The following TNR variants were observed in gnomAD, a reference collection of about 807,000 sequenced individuals.
TNR encodes tenascin-R.
TNR carries 45 observed loss-of-function variants against 150.4 expected under a neutral mutation model. That is an observed-to-expected ratio of 0.30 (90% CI 0.24 to 0.38). The LOEUF is 0.38. Among genes scored for constraint, TNR ranks in the 10% least tolerant of loss-of-function variants. The probability of loss-of-function intolerance (pLI) is 1.00; values close to 1 mark genes in which losing one functional copy is unlikely to be tolerated. For synonymous variants in TNR, 687 were observed against 678.4 expected (o/e 1.01, Z -0.20); for missense variants, 1,544 against 1,759.1 (o/e 0.88, Z 2.19).
At chr1:175,714,780 G>A (rs150060522) in intron 1 of TNR, among the ~76,000 whole-genome samples, 144 of 152,270 alleles carry the variant, frequency 9.5e-4, no homozygotes, top group African/African-American at 3.0e-3. Context: ...AGCAGAGACC[G>A]CCAGGCACTG....
intron 4 of TNR, among the ~76,000 whole-genome samples, chr1:175,397,672 T>C (rs1653495889): frequency 6.6e-6 from 1 of 152,244 alleles, no homozygotes; most frequent in Non-Finnish European, 1.5e-5. Flanking sequence ...ATCTAGCTTG[T>C]GTTAAACTAA....
chr1:175,595,535 C>T (rs900354619), intron 1 of TNR, among the ~76,000 whole-genome samples: 2 of 152,138 alleles, frequency 1.3e-5, no homozygotes, highest in Non-Finnish European at 2.9e-5. Flanking sequence ...AGGGTAAAAT[C>T]GGTATACTTT....
intron 2 of TNR, among the ~76,000 whole-genome samples, chr1:175,523,150 C>T (rs1659710036): frequency 6.6e-6 from 1 of 152,218 alleles, no homozygotes; most frequent in Non-Finnish European, 1.5e-5. Flanking sequence ...CTTTCAACCA[C>T]TTCCCTTGAC....
At chr1:175,475,400 G>A (rs961155910) in intron 2 of TNR, among the ~76,000 whole-genome samples, 1 of 152,214 alleles carries the variant, frequency 6.6e-6, no homozygotes, top group African/African-American at 2.4e-5. Context: ...GAGATGACAT[G>A]TAAGTGTGGT....
At chr1:175,426,049 C>T (rs1654954456) in intron 2 of TNR, among the ~76,000 whole-genome samples, 1 of 152,128 alleles carries the variant, frequency 6.6e-6, no homozygotes, top group Admixed American at 6.5e-5. Flanking sequence ...TGGAACTGGA[C>T]CTTTGGCTGC....
At chr1:175,634,005 T>C (rs1427624931) in intron 1 of TNR, among the ~76,000 whole-genome samples, 1 of 79,674 alleles carries the variant, frequency 1.3e-5, no homozygotes, top group Non-Finnish European at 2.3e-5. Flanking sequence ...ATGATGATGA[T>C]GATGATGACG....
At chr1:175,403,117 C>T in intron 4 of TNR, 23 bp downstream of exon 4, 1 of 1,593,158 alleles carries the variant, frequency 6.3e-7, no homozygotes, top group Non-Finnish European at 8.6e-7. Flanking sequence ...TTGCCAAACA[C>T]CCCAGAGAGT....
rs1571276707 is a variant in TNR, at chr1:175,317,566, G to T, written c.*5791C>A. On this transcript the variant is annotated 3_prime_UTR_variant, in exon 23 of 23. Transcript: ENST00000367674. The stretch of plus-strand genomic sequence containing the variant: ...TGTTCACTTACTGACAGTGCATCTG[G>T]ACTGAAACCCTTTCTTGTGACCTAG... 2 of 152,342 alleles carry T rather than the reference G, an allele frequency of 1.3e-5. No homozygotes were observed. The highest frequency in any genetic ancestry group is 1.3e-4 in the Admixed American group (2 of 15,302). 9.4% of individuals were successfully genotyped at this position (152,342 alleles called of 1,614,324 possible).
intron 1 of TNR, among the ~76,000 whole-genome samples, chr1:175,607,536 T>C (rs1044087303): frequency 6.6e-6 from 1 of 152,242 alleles, no homozygotes; most frequent in African/African-American, 2.4e-5. Flanking sequence ...TTGTACTGGC[T>C]TGTAGCTACA....
intron 10 of TNR, 120 bp downstream of exon 10, chr1:175,367,088 C>T (rs1174276132): frequency 1.2e-6 from 1 of 807,416 alleles, no homozygotes; most frequent in African/African-American, 1.7e-5. Flanking sequence ...ACAGTTGTCA[C>T]CAGAGCCCTG....
chr1:175,436,616 G>A (rs1442084791), intron 2 of TNR, among the ~76,000 whole-genome samples: 2 of 152,146 alleles, frequency 1.3e-5, no homozygotes, highest in African/African-American at 4.8e-5. Context: ...ACCCATCAGT[G>A]TGCTGTATTC....
At chr1:175,573,419 G>A (rs1330149700) in intron 1 of TNR, among the ~76,000 whole-genome samples, 1 of 152,138 alleles carries the variant, frequency 6.6e-6, no homozygotes, top group Non-Finnish European at 1.5e-5. Context: ...AAAGATCCTG[G>A]CTGCTGTTTT....
At chr1:175,719,025 C>T (rs1052924598) in intron 1 of TNR, among the ~76,000 whole-genome samples, 1 of 152,154 alleles carries the variant, frequency 6.6e-6, no homozygotes, top group African/African-American at 2.4e-5. Flanking sequence ...TTGGTTTGTC[C>T]CCAGTGGCCA....
Position 175,330,197 on chromosome 1 carries a change from A to G in TNR, c.3670T>C (p.Tyr1224His). Reference sequence around the variant, plus strand: ...TCCCGCATGTCCACGCGCAGCTCATAGCGGCCCTGGGATGTGATCCTGTGT... The same window carrying G: ...TCCCGCATGTCCACGCGCAGCTCATGGCGGCCCTGGGATGTGATCCTGTGT... Reference protein sequence around the residue: ...NIHRITSQGRYELRVDMRDGQ... With the variant: ...NIHRITSQGRHELRVDMRDGQ... The change falls in exon 21 of 23, where the codon TAT becomes CAT. Residue 1224 changes from tyrosine to histidine, a missense_variant. This residue lies in a region of TNR where 290 missense variants were observed against 429.7 expected (regional missense o/e 0.67). Transcript: ENST00000367674. The G allele has an allele frequency of 8.1e-6, 13 of 1,611,090 alleles. No homozygotes were observed. Among genetic ancestry groups the G allele is most frequent in the Non-Finnish European group, 1.1e-5 (13 of 1,177,786 alleles).
intron 1 of TNR, among the ~76,000 whole-genome samples, chr1:175,558,707 A>G (rs1023261597): frequency 2.0e-5 from 3 of 152,206 alleles, no homozygotes; most frequent in African/African-American, 4.8e-5. Flanking sequence ...ATGTGTAAAA[A>G]TAGTTATTAT....
intron 1 of TNR, among the ~76,000 whole-genome samples, chr1:175,554,825 A>G (rs1240204656): frequency 3.9e-5 from 6 of 152,176 alleles, no homozygotes; most frequent in Admixed American, 3.9e-4. Context: ...TGTTTATTCA[A>G]TCATAAAACC....
chr1:175,503,682 G>A (rs1038520712), intron 2 of TNR, among the ~76,000 whole-genome samples: 1 of 152,194 alleles, frequency 6.6e-6, no homozygotes, highest in Non-Finnish European at 1.5e-5. Context: ...CGAGTGGGCT[G>A]AAATCTCATG....
chr1:175,362,621 C>T, intron 14 of TNR, 42 bp downstream of exon 14: 2 of 1,596,726 alleles, frequency 1.3e-6, no homozygotes, highest in Non-Finnish European at 1.7e-6. Flanking sequence ...CCCAGATCTT[C>T]AGCCAGGGTT....
At chr1:175,453,306 C>A (rs1656407099) in intron 2 of TNR, among the ~76,000 whole-genome samples, 1 of 152,040 alleles carries the variant, frequency 6.6e-6, no homozygotes. Flanking sequence ...CTGAGCCAGA[C>A]TTGATGCTGA....
Sources: allele counts gnomAD v4.1 joint callset (sites outside exome capture counted in the v4.1 genomes callset), GRCh38; gene constraint gnomAD v4.1.1; regional missense constraint gnomAD v4.1.1; transcripts MANE v1.5; gene names NCBI Gene and HGNC (gene_info 2026-07-23, HGNC 2026-07-21).